The following SLFN11 variants were observed in gnomAD, a reference collection of about 807,000 sequenced individuals.
The protein encoded by SLFN11 is schlafen family member 11.
A neutral mutation model predicts 53.4 loss-of-function variants in SLFN11; 43 were observed. That is an observed-to-expected ratio of 0.80 (90% CI 0.63 to 1.04). SLFN11 has a LOEUF of 1.04. SLFN11 is among the 50% of genes least tolerant of loss of function. The pLI, the probability that SLFN11 is intolerant of heterozygous loss-of-function variation, is 0.00. For missense variants in SLFN11, 990 were observed against 1,079.1 expected, an observed-to-expected ratio of 0.92 and a Z score of 1.16; for synonymous variants, 389 against 394.7, an observed-to-expected ratio of 0.99 and a Z score of 0.17.
intron 1 of SLFN11, among the ~76,000 whole-genome samples, chr17:35,370,134 T>C (rs1909466331): frequency 6.6e-6 from 1 of 152,146 alleles, no homozygotes; most frequent in Non-Finnish European, 1.5e-5. Flanking sequence ...TCATTTATCA[T>C]GACTAAGTGC....
rs748805736 is a variant in SLFN11 at position 35,353,647 on chromosome 17, C to T, written c.1611G>A (p.Ala537=). 6.2e-5 allele frequency: 71 copies of T among 1,144,336 alleles called. No homozygotes were observed. Among genetic ancestry groups the T allele is most frequent in the African/African-American group, 3.9e-4 (22 of 56,576 alleles). The allele number at this position is 1,144,336 out of a possible 1,614,324, so 70.9% of individuals were successfully genotyped here. ...GCTGGGTGCCTGCAAGGCTATAGGA[C>T]GCAGGGTAATCCATCGGAGACACTG... The part of the protein sequence containing the change: ...EAAVSPMDYP[A]SYSLAGTQHM... Residue 537 remains alanine, a synonymous_variant, in exon 6 of 7, where the codon GCG becomes GCA. Transcript: ENST00000685675.
chr17:35,364,447 G>A (rs2141973195), intron 3 of SLFN11, among the ~76,000 whole-genome samples: 1 of 152,208 alleles, frequency 6.6e-6, no homozygotes, highest in African/African-American at 2.4e-5. Flanking sequence ...CAGAGCCAAG[G>A]TGTCTAATAC....
In SLFN11 at chr17:35,352,499, G is replaced by A. The variant is rs138598063; in HGVS notation, c.2563C>T (p.Arg855Trp). The stretch of plus-strand genomic sequence containing the variant: ...CTCCTTTCCAGGCCTGAGAATCGCC[G>A]AACACTGTCCAACACAATGTGATCA... ...LGDHIVLDSV[R>W]RFSGLERSIV... Residue 855 changes from arginine to tryptophan, a missense_variant, in exon 7 of 7, where the codon CGG becomes TGG. Arg to Trp is a moderately radical substitution (Grantham distance 101). Around this residue, in one of 3 missense-constraint regions of SLFN11, gnomAD observed 313 missense variants for 320.9 expected, o/e 0.98. Transcript: ENST00000685675. 91 of 1,614,110 alleles carry A rather than the reference G, an allele frequency of 5.6e-5. No homozygotes were observed. In the African/African-American group the frequency reaches 8.4e-4, roughly 15 times the overall value.
rs1909115172 is a variant in SLFN11 at position 35,367,609 on chromosome 17, G to T, written c.-143C>A. The T allele has an allele frequency of 6.6e-6, 1 of 152,156 alleles. No individual in the cohort carries two copies. Among genetic ancestry groups the T allele is most frequent in the Admixed American group, 6.5e-5 (1 of 15,270 alleles). The allele number at this position is 152,156 out of a possible 1,614,324, so 9.4% of individuals were successfully genotyped here. On this transcript the variant is annotated 5_prime_UTR_variant, in exon 2 of 7. In the 5' UTR this introduces an upstream ATG that the reference lacks. Coordinates refer to ENST00000685675, the MANE Select transcript of SLFN11 (RefSeq NM_001376007.1). ...CAGGATAACTTTTTCAAACCTTTCAGTGTAGCCAGAGTTCCCACCAACACA... is the reference window on the plus strand; with the variant it reads ...CAGGATAACTTTTTCAAACCTTTCATTGTAGCCAGAGTTCCCACCAACACA...
chr17:35,361,490 G>C (rs952157717), intron 4 of SLFN11, among the ~76,000 whole-genome samples: 1 of 151,714 alleles, frequency 6.6e-6, no homozygotes, highest in African/African-American at 2.4e-5. Context: ...TTGAGACAGG[G>C]TCTCACTCTC....
chr17:35,363,727 T>C lies in SLFN11; in HGVS notation c.81A>G (p.Gly27=). ...LVINVGEVTL[G]EENRKKLQKI... ...TCTGCAGCTTTTTTCTGTTTTCTTC[T>C]CCAAGAGTCACTTCTCCTACATTGA... is the stretch of plus-strand genomic sequence containing the variant. Residue 27 remains glycine, a synonymous_variant, in exon 4 of 7, where the codon GGA becomes GGG. Transcript: ENST00000685675. The C allele has an allele frequency of 1.2e-6, 2 of 1,613,840 alleles. No homozygotes were observed.
chr17:35,357,796 AAATAT>A (rs1052493602), intron 5 of SLFN11, among the ~76,000 whole-genome samples: 165 of 145,136 alleles, frequency 1.1e-3, no homozygotes, highest in African/African-American at 3.7e-3. Context: ...ATAAACATAA[AAATAT>A]AATATAAAGA....
At chr17:35,359,910 C>A in intron 5 of SLFN11, 1 of 216,062 alleles carries the variant, frequency 4.6e-6, no homozygotes, top group Non-Finnish European at 9.1e-6. Context: ...CCACATATTC[C>A]AATTTGTTAT....
chr17:35,353,279 A>G (rs1268858104), intron 6 of SLFN11, 57 bp downstream of exon 6: 1 of 1,610,968 alleles, frequency 6.2e-7, no homozygotes, highest in Non-Finnish European at 8.5e-7. Flanking sequence ...GTGACTTAGC[A>G]GAAAAAATTA....
rs5820113 is a variant in SLFN11 at position 35,352,185 on chromosome 17, G to GA, written c.*170dup. The stretch of plus-strand genomic sequence containing the variant: ...AGAATGGGGGGCAGCCACCGCTGCT[G>GA]AAAGGGTTGGGGAAGGAACCCCTGA... On this transcript the variant is annotated 3_prime_UTR_variant, in exon 7 of 7. Transcript: ENST00000685675. 1 allele frequency: 782,101 copies of GA among 785,102 alleles called. 389,609 individuals carry two copies. Among genetic ancestry groups the GA allele is most frequent in the East Asian group, 1 (37,443 of 37,444 alleles). 48.6% of individuals were successfully genotyped at this position (785,102 alleles called of 1,614,324 possible).
chr17:35,370,661 T>C lies in SLFN11; in HGVS notation c.-235+2813A>G, dbSNP rs138082426. Among the ~76,000 whole-genome samples the C allele has an allele frequency of 8.6e-3, 1,303 of 152,116 alleles. 22 individuals carry two copies. The highest frequency in any genetic ancestry group is 0.03 in the African/African-American group (1,258 of 41,544). ...TACAAAATAAACATACAAAAATCAG[T>C]AGCATCTCTATATACCAATAGTGAA... On this transcript the variant is annotated intron_variant, in intron 1 of 6. Transcript: ENST00000685675.
intron 1 of SLFN11, among the ~76,000 whole-genome samples, chr17:35,368,891 G>A (rs1909294321): frequency 6.6e-6 from 1 of 152,086 alleles, no homozygotes; most frequent in South Asian, 2.1e-4. Flanking sequence ...GACACACTCT[G>A]GGCCAGAAGA....
intron 3 of SLFN11, among the ~76,000 whole-genome samples, chr17:35,366,567 A>G (rs1048628952): frequency 6.6e-6 from 1 of 152,160 alleles, no homozygotes; most frequent in Non-Finnish European, 1.5e-5. Flanking sequence ...AACTATTTTG[A>G]AGTCATCAAG....
chr17:35,363,371 CTT>C lies in SLFN11; in HGVS notation c.435_436del (p.Glu147GlyfsTer32), dbSNP rs1908510473. 6.2e-7 allele frequency: 1 copy of C among 1,614,002 alleles called. No individual in the cohort carries two copies. Among genetic ancestry groups the C allele is most frequent in the African/African-American group, 1.3e-5 (1 of 75,018 alleles). ...GGTCTTCAGGAAACAGAATGCCTCT[CTT>C]GAGTCCATGGAACGCACAGAGGTCT... On this transcript the variant is annotated frameshift_variant, in exon 4 of 7. Transcript: ENST00000685675. LOFTEE classifies it high-confidence loss of function.
chr17:35,360,294 A>C lies in SLFN11; in HGVS notation c.1147T>G (p.Ser383Ala). Reference sequence around the variant, plus strand: ...TTTTTATGTTCCAGGCCTTTCTTGGAGTACACTGGTCTGCTAAGGGGAGGC... The same window carrying C: ...TTTTTATGTTCCAGGCCTTTCTTGGCGTACACTGGTCTGCTAAGGGGAGGC... ...SGPPLSRPVYSKKGLEHKKEL... is the reference protein window; with the variant it reads ...SGPPLSRPVYAKKGLEHKKEL... Residue 383 changes from serine to alanine, a missense_variant, in exon 5 of 7, where the codon TCC becomes GCC. Around this residue, in one of 3 missense-constraint regions of SLFN11, gnomAD observed 521 missense variants for 516.2 expected, o/e 1.01. Coordinates refer to ENST00000685675, the MANE Select transcript of SLFN11 (RefSeq NM_001376007.1). 1.2e-6 allele frequency: 2 copies of C among 1,611,144 alleles called. No homozygotes were observed. The highest frequency in any genetic ancestry group is 1.7e-6 in the Non-Finnish European group (2 of 1,179,130).
chr17:35,361,878 G>A (rs1356604522), intron 4 of SLFN11, among the ~76,000 whole-genome samples: 1 of 151,926 alleles, frequency 6.6e-6, no homozygotes, highest in African/African-American at 2.4e-5. Context: ...CCAAGTAGCT[G>A]AGACCACAGG....
Position 35,363,130 on chromosome 17 carries a change from A to G in SLFN11, c.678T>C (p.Tyr226=). Residue 226 remains tyrosine (Y), a synonymous_variant, in exon 4 of 7, where the codon TAT becomes TAC. Coordinates refer to ENST00000685675, the MANE Select transcript of SLFN11 (RefSeq NM_001376007.1). ...KQFSTKHFQE[Y]VKRTIPEYVP... is the part of the protein sequence containing the mutation. ...CGTATTCTGGAATTGTCCTTTTTAC[A>G]TATTCTTGGAAGTGTTTTGTAGAGA... 3 of 1,613,656 alleles carry G rather than the reference A, an allele frequency of 1.9e-6. No homozygotes were observed. The highest frequency in any genetic ancestry group is 2.5e-6 in the Non-Finnish European group (3 of 1,179,890).
At chr17:35,371,213 A>T (rs758153232) in intron 1 of SLFN11, among the ~76,000 whole-genome samples, 5 of 152,122 alleles carry the variant, frequency 3.3e-5, no homozygotes, top group Non-Finnish European at 7.4e-5. Flanking sequence ...AAGAACATAC[A>T]CTAGGGAAAA....
At chr17:35,370,070 A>G (rs921192485) in intron 1 of SLFN11, among the ~76,000 whole-genome samples, 1 of 152,058 alleles carries the variant, frequency 6.6e-6, no homozygotes, top group African/African-American at 2.4e-5. Context: ...AAAATTATGG[A>G]CCAGTATCTC....
Sources: allele counts gnomAD v4.1 joint callset (sites outside exome capture counted in the v4.1 genomes callset), GRCh38; gene constraint gnomAD v4.1.1; regional missense constraint gnomAD v4.1.1; transcripts MANE v1.5; gene names NCBI Gene and HGNC (gene_info 2026-07-23, HGNC 2026-07-21).